Variants in PRDM2 observed in about 807,000 individuals in gnomAD.
PRDM2 encodes PR domain zinc finger protein 2.
Under a neutral mutation model 130.0 loss-of-function variants are expected in PRDM2, and 30 were observed. The observed-to-expected ratio is 0.23, with a 90% CI of 0.17 to 0.31. PRDM2 has a LOEUF of 0.31. Ranked by LOEUF, PRDM2 falls within the 10% of genes least tolerant of loss-of-function variation. The probability of loss-of-function intolerance (pLI) is 1.00; values close to 1 mark genes in which losing one functional copy is unlikely to be tolerated. For missense variants in PRDM2, 2,011 were observed against 2,108.4 expected, an observed-to-expected ratio of 0.95 and a Z score of 0.90; for synonymous variants, 871 against 782.4, an observed-to-expected ratio of 1.11 and a Z score of -1.89.
chr1:13,790,893 TAGGGTG>T (rs1327930827), intron 8 of PRDM2, among the ~76,000 whole-genome samples: 2 of 152,124 alleles, frequency 1.3e-5, no homozygotes, highest in East Asian at 3.9e-4. Flanking sequence ...TGAGAAGCTT[TAGGGTG>T]GATTCAGTCT....
intron 6 of PRDM2, 22 bp downstream of exon 6, chr1:13,749,509 C>A: frequency 1.5e-6 from 2 of 1,309,720 alleles, no homozygotes; most frequent in Non-Finnish European, 2.0e-6. Context: ...CCGGCCCGCC[C>A]GCCCGGCCCC....
At chr1:13,787,205 CTAATT>C (rs1644759700) in intron 8 of PRDM2, 2 of 983,492 alleles carry the variant, frequency 2.0e-6, no homozygotes, top group Non-Finnish European at 1.2e-6. Flanking sequence ...TTATCTGGCA[CTAATT>C]TATAACTATT....
At chr1:13,740,347 G>A (rs917972025) in intron 4 of PRDM2, among the ~76,000 whole-genome samples, 16 of 152,170 alleles carry the variant, frequency 1.1e-4, no homozygotes, top group African/African-American at 3.6e-4. Context: ...GGGAGTGAGT[G>A]GGACTTTGCC....
intron 9 of PRDM2, among the ~76,000 whole-genome samples, chr1:13,818,162 GC>G (rs1238111470): frequency 6.6e-6 from 1 of 152,188 alleles, no homozygotes; most frequent in African/African-American, 2.4e-5. Flanking sequence ...TTAGCAGATG[GC>G]CCCCTGGTTC....
intron 8 of PRDM2, among the ~76,000 whole-genome samples, chr1:13,801,256 A>C (rs1645002444): frequency 6.6e-6 from 1 of 152,232 alleles, no homozygotes; most frequent in Non-Finnish European, 1.5e-5. Flanking sequence ...ATAGGCTTTG[A>C]CAAAGCCATC....
intron 1 of PRDM2, chr1:13,705,040 C>G (rs573350991): frequency 6.6e-6 from 1 of 152,284 alleles, no homozygotes; most frequent in African/African-American, 2.4e-5. Flanking sequence ...GGCAGGTCAG[C>G]TCACCTGCTT....
intron 4 of PRDM2, among the ~76,000 whole-genome samples, chr1:13,740,519 G>T (rs775271112): frequency 6.6e-5 from 10 of 152,174 alleles, no homozygotes; most frequent in African/African-American, 2.4e-4. Context: ...TACCTGTTAC[G>T]CAGTAGGTGC....
chr1:13,816,225 G>T (rs1471082993), intron 8 of PRDM2, among the ~76,000 whole-genome samples: 2 of 152,174 alleles, frequency 1.3e-5, no homozygotes, highest in African/African-American at 4.8e-5. Flanking sequence ...ATTGGTGGAT[G>T]GGACATGGAG....
chr1:13,814,269 C>G (rs528154091), intron 8 of PRDM2, among the ~76,000 whole-genome samples: 1 of 152,276 alleles, frequency 6.6e-6, no homozygotes, highest in South Asian at 2.1e-4. Context: ...AGCATGGGTC[C>G]TCCGTTTCCT....
At chr1:13,786,752 T>G in intron 8 of PRDM2, 1 of 1,392,708 alleles carries the variant, frequency 7.2e-7, no homozygotes, top group Non-Finnish European at 9.3e-7. Context: ...GTGATTGAGA[T>G]CCAAAGAGAA....
Position 13,781,843 on chromosome 1 carries a change from A to G in PRDM2, c.4048A>G (p.Lys1350Glu), listed in dbSNP as rs1279435996. The change falls in exon 8 of 10, where the codon AAA becomes GAA. Residue 1350 changes from lysine (K) to glutamate (E), a missense_variant. By Grantham distance (56) the Lys-to-Glu change is moderately conservative. Transcript: ENST00000311066. This position sits in a 1 kb window ranked among gnomAD's most constrained non-coding sequence, Gnocchi z 6.1. Reference protein sequence around the residue: ...KGVDNMPELHKHILACASASD... With the variant: ...KGVDNMPELHEHILACASASD... ...TGTCGACAATATGCCGGAGTTGCAC[A>G]AACATATCCTGGCTTGTGCTTCTGC... 6.2e-7 allele frequency: 1 copy of G among 1,614,094 alleles called. No homozygotes were observed. The highest frequency in any genetic ancestry group is 8.5e-7 in the Non-Finnish European group (1 of 1,180,050).
At chr1:13,795,014 C>T (rs181906922) in intron 8 of PRDM2, among the ~76,000 whole-genome samples, 1 of 152,298 alleles carries the variant, frequency 6.6e-6, no homozygotes, top group Admixed American at 6.5e-5. Context: ...GAGAAGTGAG[C>T]TGTAAGACAA....
In PRDM2 at chr1:13,799,289, C is replaced by A. The variant is rs527888293; in HGVS notation, c.5036+16458C>A. 1.7e-3 allele frequency among the ~76,000 whole-genome samples: 257 copies of A among 152,096 alleles called. 1 individual carries two copies. Among genetic ancestry groups the A allele is most frequent in the African/African-American group, 4.7e-3 (195 of 41,480 alleles). On this transcript the variant is annotated intron_variant, in intron 8 of 9. Transcript: ENST00000311066. ...TGAAACTCCTTCTCTACTAAAAATACCAAAAATTAGCTGGGCATAGTGACG... is the reference window on the plus strand; with the variant it reads ...TGAAACTCCTTCTCTACTAAAAATAACAAAAATTAGCTGGGCATAGTGACG...
chr1:13,762,046 T>C (rs1052245975), intron 6 of PRDM2, among the ~76,000 whole-genome samples: 1 of 152,268 alleles, frequency 6.6e-6, no homozygotes, highest in African/African-American at 2.4e-5. Flanking sequence ...TTTAGATTTG[T>C]AGGCGTGCAC....
At chr1:13,748,803 G>A (rs1643696924) in intron 5 of PRDM2, among the ~76,000 whole-genome samples, 1 of 152,184 alleles carries the variant, frequency 6.6e-6, no homozygotes, top group Non-Finnish European at 1.5e-5. Context: ...GGACCTCCCT[G>A]GACCAGAGCA....
rs369625913 is a variant in PRDM2, at chr1:13,731,019, C to T, written c.29C>T (p.Ala10Val). The T allele has an allele frequency of 3.5e-5, 57 of 1,609,910 alleles. No homozygotes were observed. In the Middle Eastern group the frequency reaches 6.6e-4, roughly 19 times the overall value. ...TTGCAGAACACTACTGAGCCTGTGG[C>T]GGCCACCGAGACCCTGGCTGAGGTA... MNQNTTEPV[A>V]ATETLAEVPE... Residue 10 changes from alanine to valine, a missense_variant, in exon 3 of 10, where the codon GCG (alanine) becomes GTG (valine). Physicochemically the swap from Ala to Val is moderately conservative, Grantham distance 64 (BLOSUM62 0). Around this residue, in one of 5 missense-constraint regions of PRDM2, gnomAD observed 79 missense variants for 93.6 expected, o/e 0.84. Transcript: ENST00000311066.
In PRDM2 at chr1:13,781,694, C is replaced by A; in HGVS notation, c.3899C>A (p.Pro1300Gln). The change falls in exon 8 of 10, where the codon CCA becomes CAA. Residue 1300 changes from proline to glutamine, a missense_variant. Pro to Gln is a moderately conservative substitution (Grantham distance 76). Transcript: ENST00000311066. This position sits in a 1 kb window ranked among gnomAD's most constrained non-coding sequence, Gnocchi z 6.1. ...AATCAGCATTACCCAAGCTTTAAACCACCTCCATTTCAGTACCATCACCGT... is the reference window on the plus strand; with the variant it reads ...AATCAGCATTACCCAAGCTTTAAACAACCTCCATTTCAGTACCATCACCGT... ...GLNQHYPSFK[P>Q]PPFQYHHRNP... is the part of the protein sequence containing the mutation. 6.2e-7 allele frequency: 1 copy of A among 1,614,106 alleles called. No homozygotes were observed. The highest frequency in any genetic ancestry group is 8.5e-7 in the Non-Finnish European group (1 of 1,180,030).
In PRDM2 at chr1:13,781,433, T is replaced by G. The variant is rs1323517076; in HGVS notation, c.3638T>G (p.Leu1213Arg). The G allele has an allele frequency of 6.2e-7, 1 of 1,614,068 alleles. No individual in the cohort carries two copies. The change falls in exon 8 of 10, where the codon CTC (leucine) becomes CGC (arginine). Residue 1213 changes from leucine to arginine, a missense_variant. Leu to Arg is a moderately radical substitution (Grantham distance 102). Around this residue, in one of 5 missense-constraint regions of PRDM2, gnomAD observed 229 missense variants for 364.1 expected, o/e 0.63. Coordinates refer to ENST00000311066, the MANE Select transcript of PRDM2 (RefSeq NM_001393986.1). This position sits in a 1 kb window ranked among gnomAD's most constrained non-coding sequence, Gnocchi z 6.1. ...LCNLQQHQRDLHPDKVCTHHE... is the reference protein window; with the variant it reads ...LCNLQQHQRDRHPDKVCTHHE... ...AATTTGCAGCAGCACCAGCGAGATCTCCACCCAGATAAGGTGTGCACACAT... is the reference window on the plus strand; with the variant it reads ...AATTTGCAGCAGCACCAGCGAGATCGCCACCCAGATAAGGTGTGCACACAT...
intron 2 of PRDM2, among the ~76,000 whole-genome samples, chr1:13,723,618 C>A (rs1053091842): frequency 6.6e-6 from 1 of 152,164 alleles, no homozygotes; most frequent in African/African-American, 2.4e-5. Flanking sequence ...TCTGCGATGA[C>A]TTCTAGGACT....
Sources: allele counts gnomAD v4.1 joint callset (sites outside exome capture counted in the v4.1 genomes callset), GRCh38; gene constraint gnomAD v4.1.1; regional missense constraint gnomAD v4.1.1; non-coding constraint Gnocchi (gnomAD v3.1); transcripts MANE v1.5; gene names NCBI Gene and HGNC (gene_info 2026-07-23, HGNC 2026-07-21).